ALMS1: variants seen among roughly 807,000 people sequenced by gnomAD.
The protein encoded by ALMS1 is ALMS1 centrosome and basal body associated protein.
Under a neutral mutation model 352.2 loss-of-function variants are expected in ALMS1, and 271 were observed. The observed-to-expected ratio is 0.77, with a 90% CI of 0.70 to 0.85. The LOEUF is 0.85. ALMS1 is among the 40% of genes least tolerant of loss of function. The probability of loss-of-function intolerance (pLI) is 0.00; values close to 1 mark genes in which losing one functional copy is unlikely to be tolerated. For synonymous variants in ALMS1, 1,865 were observed against 1,761.2 expected (o/e 1.06, Z -1.48); for missense variants, 5,445 against 4,870.7 (o/e 1.12, Z -3.51).
At chr2:73,512,850 A>T (rs946923551) in intron 10 of ALMS1, among the ~76,000 whole-genome samples, 1 of 152,292 alleles carries the variant, frequency 6.6e-6, no homozygotes, top group Non-Finnish European at 1.5e-5. Flanking sequence ...CTCTGGAATC[A>T]ACTACTTCTC....
intron 9 of ALMS1, among the ~76,000 whole-genome samples, chr2:73,483,504 A>G (rs1328304124): frequency 9.2e-5 from 14 of 151,840 alleles, no homozygotes; most frequent in East Asian, 5.8e-4. Flanking sequence ...TATGTGGTCA[A>G]TTTTGGAATA....
chr2:73,548,674 A>G (rs1356001007), intron 12 of ALMS1, among the ~76,000 whole-genome samples: 1 of 152,240 alleles, frequency 6.6e-6, no homozygotes, highest in Non-Finnish European at 1.5e-5. Context: ...TTTGATTTGA[A>G]GAAGACACAT....
chr2:73,510,589 T>C (rs2103942336), intron 10 of ALMS1, among the ~76,000 whole-genome samples: 1 of 152,256 alleles, frequency 6.6e-6, no homozygotes, highest in Middle Eastern at 3.4e-3. Context: ...CTCTGAAGTT[T>C]TGTCCCAGAG....
chr2:73,503,472 G>A (rs1480115909), intron 10 of ALMS1, among the ~76,000 whole-genome samples: 2 of 152,036 alleles, frequency 1.3e-5, no homozygotes, highest in East Asian at 1.9e-4. Flanking sequence ...TGTATATGTG[G>A]CACATTTTCT....
chr2:73,579,125 T>C (rs1397340850), intron 16 of ALMS1, among the ~76,000 whole-genome samples: 2 of 140,958 alleles, frequency 1.4e-5, no homozygotes, highest in African/African-American at 2.8e-5. Flanking sequence ...AATGGCACAA[T>C]CTAAGCTCAC....
chr2:73,503,367 CTA>C (rs1673256062), intron 10 of ALMS1, among the ~76,000 whole-genome samples: 2 of 151,866 alleles, frequency 1.3e-5, no homozygotes, highest in Non-Finnish European at 2.9e-5. Flanking sequence ...TTTGTTCTTG[CTA>C]TAGTTTACTG....
At chr2:73,513,464 C>T (rs370538875) in intron 10 of ALMS1, among the ~76,000 whole-genome samples, 19 of 152,226 alleles carry the variant, frequency 1.2e-4, no homozygotes, top group East Asian at 7.8e-4. Context: ...TGTCAGGCTA[C>T]GCCATTTAGA....
At chr2:73,440,012 G>A (rs560276436) in intron 7 of ALMS1, among the ~76,000 whole-genome samples, 6 of 151,368 alleles carry the variant, frequency 4.0e-5, no homozygotes, top group South Asian at 2.1e-4. Context: ...ACAGAGTCTC[G>A]CTCTGTCGCC....
At chr2:73,400,208 A>G (rs573188678) in intron 1 of ALMS1, among the ~76,000 whole-genome samples, 270 of 152,312 alleles carry the variant, frequency 1.8e-3, no homozygotes, top group Non-Finnish European at 2.7e-3. Context: ...GGCCTCTCAA[A>G]GTGCTGGAAT....
intron 11 of ALMS1, among the ~76,000 whole-genome samples, chr2:73,529,775 A>G (rs1673869636): frequency 1.3e-5 from 2 of 152,078 alleles, no homozygotes; most frequent in Non-Finnish European, 2.9e-5. Context: ...AGTTCAATTG[A>G]CTCAGTTCTG....
rs749872283 is a variant in ALMS1 at position 73,455,292 on chromosome 2, C to G, written c.7671C>G (p.Ser2557=). ...LFGHGRTTDL[S]KGLQSPRGMG... is the part of the protein sequence containing the mutation. ...GTCATGGAAGAACAACTGACTTGTC[C>G]AAGGTATAAAAGAAATCTGGAAATG... is the stretch of plus-strand genomic sequence containing the variant. The change falls in exon 9 of 23, where the codon TCC becomes TCG. Residue 2557 remains serine, a synonymous_variant. Transcript: ENST00000613296. The G allele has an allele frequency of 1.2e-6, 2 of 1,613,862 alleles. No individual in the cohort carries two copies. Among genetic ancestry groups the G allele is most frequent in the East Asian group, 4.5e-5 (2 of 44,836 alleles).
intron 16 of ALMS1, among the ~76,000 whole-genome samples, chr2:73,588,538 C>G (rs1675357169): frequency 6.6e-6 from 1 of 152,020 alleles, no homozygotes; most frequent in Non-Finnish European, 1.5e-5. Context: ...TCCTGTCTCC[C>G]TTCTGCAGTT....
intron 7 of ALMS1, among the ~76,000 whole-genome samples, chr2:73,440,462 C>G (rs1247647550): frequency 6.6e-6 from 1 of 152,160 alleles, no homozygotes; most frequent in Non-Finnish European, 1.5e-5. Flanking sequence ...CTTTCTCTCT[C>G]TCTCTCTCTT....
intron 16 of ALMS1, among the ~76,000 whole-genome samples, chr2:73,597,794 T>TTC (rs1364458831): frequency 3.3e-5 from 5 of 152,046 alleles, no homozygotes; most frequent in African/African-American, 7.2e-5. Flanking sequence ...TTTTTTTTTT[T>TTC]TCCCTGCATC....
intron 12 of ALMS1, among the ~76,000 whole-genome samples, 164 bp downstream of exon 12, chr2:73,535,113 G>GAT (rs1425534735): frequency 6.6e-6 from 1 of 152,164 alleles, no homozygotes; most frequent in African/African-American, 2.4e-5. Context: ...TATTTGATCA[G>GAT]ATATATACAC....
intron 9 of ALMS1, among the ~76,000 whole-genome samples, chr2:73,483,534 A>G (rs1271293139): frequency 2.0e-5 from 3 of 151,598 alleles, no homozygotes; most frequent in African/African-American, 7.3e-5. Context: ...TGGTGCTGAA[A>G]AAAATGTATA....
intron 15 of ALMS1, among the ~76,000 whole-genome samples, chr2:73,571,242 G>A (rs1055425174): frequency 2.0e-5 from 3 of 152,170 alleles, no homozygotes; most frequent in Admixed American, 6.5e-5. Flanking sequence ...TGGGTGAAAA[G>A]GATCCCATCA....
chr2:73,420,690 G>A (rs1044327513), intron 3 of ALMS1, among the ~76,000 whole-genome samples: 3 of 152,158 alleles, frequency 2.0e-5, no homozygotes, highest in African/African-American at 7.2e-5. Flanking sequence ...ATTGTACTTC[G>A]TGACCTAAAA....
chr2:73,432,480 G>A lies in ALMS1; in HGVS notation c.1432+189G>A, dbSNP rs201693441. On this transcript the variant is annotated intron_variant, in intron 7 of 22. Coordinates refer to ENST00000613296, the MANE Select transcript of ALMS1 (RefSeq NM_001378454.1). ...AAAAATATCTTAGTACTTTAAGTAT[G>A]GCTTATAAACAACAGAAATTTGTTT... Among the ~76,000 whole-genome samples, 9 of 147,306 alleles carry A rather than the reference G, an allele frequency of 6.1e-5. No individual in the cohort carries two copies. The East Asian group carries it at 1.7e-3, about 28-fold the overall frequency.
Sources: gnomAD v4.1 joint callset for allele counts (sites outside exome capture counted in the v4.1 genomes callset) on GRCh38, gnomAD v4.1.1 for gene constraint, MANE v1.5 for transcripts, NCBI Gene and HGNC (gene_info 2026-07-23, HGNC 2026-07-21) for gene names.